Variants in SCAI observed in about 807,000 individuals in gnomAD.
The protein encoded by SCAI is protein SCAI.
Under a neutral mutation model 92.2 loss-of-function variants are expected in SCAI, and 24 were observed. The observed-to-expected ratio is 0.26, with a 90% CI of 0.19 to 0.37. SCAI has a LOEUF of 0.37. Among genes scored for constraint, SCAI ranks in the 10% least tolerant of loss-of-function variants. The pLI is 1.00. For missense variants in SCAI, 450 were observed against 736.2 expected (o/e 0.61, Z 4.50); for synonymous variants, 261 against 258.6 (o/e 1.01, Z -0.09).
intron 3 of SCAI, among the ~76,000 whole-genome samples, chr9:125,049,401 C>G (rs1347618446): frequency 6.6e-6 from 1 of 152,194 alleles, no homozygotes; most frequent in Non-Finnish European, 1.5e-5. Flanking sequence ...CTTCGACAGT[C>G]TTAGTCACCA....
At chr9:125,095,472 T>C (rs915447758) in intron 2 of SCAI, among the ~76,000 whole-genome samples, 9 of 152,182 alleles carry the variant, frequency 5.9e-5, no homozygotes, top group Non-Finnish European at 1.3e-4. Flanking sequence ...AAAATGAACA[T>C]CCCTATAATA....
chr9:124,972,713 G>T (rs1241636642), intron 15 of SCAI, among the ~76,000 whole-genome samples: 1 of 152,098 alleles, frequency 6.6e-6, no homozygotes, highest in Non-Finnish European at 1.5e-5. Context: ...TTCTCATCAG[G>T]TATTATCATT....
intron 3 of SCAI, among the ~76,000 whole-genome samples, chr9:125,042,197 A>G (rs1441996075): frequency 6.6e-6 from 1 of 152,146 alleles, no homozygotes; most frequent in Non-Finnish European, 1.5e-5. Context: ...CTTTTTTCCA[A>G]GATTTTGGAG....
chr9:124,990,081 G>A (rs1306736246), intron 14 of SCAI, among the ~76,000 whole-genome samples: 1 of 152,106 alleles, frequency 6.6e-6, no homozygotes, highest in African/African-American at 2.4e-5. Flanking sequence ...GGCTAAGGCA[G>A]GAGAATGGCC....
intron 14 of SCAI, among the ~76,000 whole-genome samples, chr9:124,987,311 T>G (rs756713778): frequency 1.4e-5 from 2 of 140,528 alleles, no homozygotes; most frequent in African/African-American, 2.6e-5. Flanking sequence ...TGTAAGCCAC[T>G]GCACCTGGAT....
chr9:125,069,836 G>T (rs537875314), intron 2 of SCAI, among the ~76,000 whole-genome samples: 1 of 152,016 alleles, frequency 6.6e-6, no homozygotes, highest in South Asian at 2.1e-4. Context: ...TGGCCAGGCT[G>T]GTCTCGAACT....
At chr9:125,014,930 G>C (rs542222759) in intron 9 of SCAI, among the ~76,000 whole-genome samples, 1 of 152,180 alleles carries the variant, frequency 6.6e-6, no homozygotes, top group African/African-American at 2.4e-5. Flanking sequence ...AAGCAATGGG[G>C]AAAGGATTCC....
intron 2 of SCAI, among the ~76,000 whole-genome samples, chr9:125,141,897 T>C (rs1370212513): frequency 6.6e-6 from 1 of 152,230 alleles, no homozygotes; most frequent in Non-Finnish European, 1.5e-5. Flanking sequence ...TCGTACACAG[T>C]ACTTGGCACA....
chr9:125,126,530 C>G (rs967697495), intron 2 of SCAI, among the ~76,000 whole-genome samples: 10 of 139,508 alleles, frequency 7.2e-5, no homozygotes, highest in Non-Finnish European at 1.1e-4. Flanking sequence ...AGCTAGCCAG[C>G]TAGCCTCCCG....
chr9:125,054,317 T>C (rs1833621286), intron 3 of SCAI, among the ~76,000 whole-genome samples: 1 of 152,194 alleles, frequency 6.6e-6, no homozygotes, highest in East Asian at 1.9e-4. Flanking sequence ...GGCACACAGA[T>C]ATGTGTTCCT....
At chr9:124,958,681 G>C (rs1831369906) in intron 17 of SCAI, among the ~76,000 whole-genome samples, 1 of 152,010 alleles carries the variant, frequency 6.6e-6, no homozygotes, top group Non-Finnish European at 1.5e-5. Context: ...TGAAGGCAGA[G>C]GGATCACTTG....
chr9:124,995,090 G>A, intron 13 of SCAI, 75 bp from the exon 14 acceptor site: 1 of 1,078,144 alleles, frequency 9.3e-7, no homozygotes, highest in Non-Finnish European at 1.4e-6. Context: ...AGTTTGGTCT[G>A]CTCATATCTC....
At chr9:125,077,757 C>T (rs1389938256) in intron 2 of SCAI, among the ~76,000 whole-genome samples, 2 of 152,084 alleles carry the variant, frequency 1.3e-5, no homozygotes, top group Non-Finnish European at 2.9e-5. Flanking sequence ...CTTGCTCTGT[C>T]GCCCAGGCCG....
rs149690403 is a variant in SCAI, at chr9:125,021,105, G to A, written c.513-336C>T. On this transcript the variant is annotated intron_variant, in intron 6 of 17. Transcript: ENST00000336505. ...TAAAATATACAGGAGAGAGATAAAT[G>A]CTTACAACACAACGGAATAATATAA... is the stretch of plus-strand genomic sequence containing the variant. Among the ~76,000 whole-genome samples the A allele has an allele frequency of 5.9e-5, 9 of 152,290 alleles. No homozygotes were observed. In the East Asian group the frequency reaches 1.7e-3, roughly 29 times the overall value.
chr9:125,113,449 G>A (rs367552768), intron 2 of SCAI, among the ~76,000 whole-genome samples: 8 of 152,068 alleles, frequency 5.3e-5, no homozygotes, highest in African/African-American at 1.9e-4. Flanking sequence ...GGACCCTGAG[G>A]AAATGCGATG....
At chr9:125,028,587 G>T in intron 4 of SCAI, 109 bp from the exon 5 acceptor site, 1 of 464,274 alleles carries the variant, frequency 2.2e-6, no homozygotes. Context: ...CAAAGCTAAT[G>T]AATTTTTCAT....
At chr9:125,048,048 G>A (rs914606686) in intron 3 of SCAI, among the ~76,000 whole-genome samples, 3 of 151,678 alleles carry the variant, frequency 2.0e-5, no homozygotes, top group Non-Finnish European at 2.9e-5. Flanking sequence ...GCGTGATCTC[G>A]GCTCACTGCA....
At chr9:124,974,571 C>T (rs936323473) in intron 15 of SCAI, among the ~76,000 whole-genome samples, 1 of 152,166 alleles carries the variant, frequency 6.6e-6, no homozygotes, top group African/African-American at 2.4e-5. Context: ...AGGCTCTCCC[C>T]TTTTGCAGAG....
At chr9:125,004,779 ATTTTTTTTTTTTTTT>A (rs869167558) in intron 9 of SCAI, among the ~76,000 whole-genome samples, 38 of 13,160 alleles carry the variant, frequency 2.9e-3, no homozygotes, top group African/African-American at 8.8e-3. Context: ...ATATATATAT[ATTTTTTTTTTTTTTT>A]TTTTTTTTTT....
Sources: gnomAD v4.1 joint callset for allele counts (sites outside exome capture counted in the v4.1 genomes callset) on GRCh38, gnomAD v4.1.1 for gene constraint, MANE v1.5 for transcripts, NCBI Gene and HGNC (gene_info 2026-07-23, HGNC 2026-07-21) for gene names.